The following LCK variants were observed in gnomAD, a reference collection of about 807,000 sequenced individuals.
The protein encoded by LCK is tyrosine-protein kinase Lck.
LCK carries 14 observed loss-of-function variants against 64.6 expected under a neutral mutation model. The ratio of observed to expected loss-of-function variants is 0.22; its 90% confidence interval spans 0.14 to 0.34. The LOEUF is 0.34. Ranked by LOEUF, LCK falls within the 10% of genes least tolerant of loss-of-function variation. The pLI is 1.00. For synonymous variants in LCK, 277 were observed against 263.6 expected (o/e 1.05, Z -0.49); for missense variants, 434 against 668.1 (o/e 0.65, Z 3.86).
chr1:32,279,912 G>A lies in LCK; in HGVS notation c.1113G>A (p.Leu371=). The A allele has an allele frequency of 6.2e-7, 1 of 1,614,214 alleles. No individual in the cohort carries two copies. Among genetic ancestry groups the A allele is most frequent in the Non-Finnish European group, 8.5e-7 (1 of 1,180,040 alleles). The change falls in exon 11 of 13, where the codon CTG becomes CTA. Residue 371 remains leucine, a synonymous_variant. Coordinates refer to ENST00000336890, the MANE Select transcript of LCK (RefSeq NM_005356.5). The part of the protein sequence containing the change: ...IHRDLRAANI[L]VSDTLSCKIA... ...GTGACCTTCGGGCTGCCAACATTCTGGTGTCTGACACCCTGAGCTGCAAGA... is the reference window on the plus strand; with the variant it reads ...GTGACCTTCGGGCTGCCAACATTCTAGTGTCTGACACCCTGAGCTGCAAGA...
In LCK at chr1:32,279,708, C is replaced by T. The variant is rs1207518413; in HGVS notation, c.1002C>T (p.Ile334=). The T allele has an allele frequency of 6.2e-7, 1 of 1,613,576 alleles. No homozygotes were observed. The highest frequency in any genetic ancestry group is 1.7e-5 in the Admixed American group (1 of 60,010). Residue 334 remains isoleucine (I), a synonymous_variant, in exon 10 of 13, where the codon ATC becomes ATT. Coordinates refer to ENST00000336890, the MANE Select transcript of LCK (RefSeq NM_005356.5). ...ATTTTCTCAAGACCCCTTCAGGCAT[C>T]AAGTTGACCATCAACAAACTCCTGG... ...LVDFLKTPSG[I]KLTINKLLDM...
At chr1:32,265,118 G>A (rs1209150286) in intron 1 of LCK, among the ~76,000 whole-genome samples, 2 of 151,948 alleles carry the variant, frequency 1.3e-5, no homozygotes, top group African/African-American at 2.4e-5. Context: ...GAGGCACGGA[G>A]GTTGCAGTGA....
At chr1:32,279,513 C>A in intron 9 of LCK, 158 bp from the exon 10 acceptor site, 1 of 1,444,732 alleles carries the variant, frequency 6.9e-7, no homozygotes, top group Non-Finnish European at 9.4e-7. Context: ...TTTACATATC[C>A]TGGGCATCCT....
chr1:32,273,359 T>A (rs1640164397), intron 1 of LCK, among the ~76,000 whole-genome samples: 1 of 148,984 alleles, frequency 6.7e-6, no homozygotes, highest in South Asian at 2.1e-4. Flanking sequence ...TGTGTGTGTG[T>A]GAGAGTGTGT....
intron 1 of LCK, among the ~76,000 whole-genome samples, chr1:32,258,878 C>A (rs900988384): frequency 2.7e-5 from 4 of 150,798 alleles, no homozygotes; most frequent in African/African-American, 9.8e-5. Flanking sequence ...CAAAAATTAT[C>A]CAGGCGTGGT....
At chr1:32,257,287 C>T (rs1283995481) in intron 1 of LCK, among the ~76,000 whole-genome samples, 7 of 147,170 alleles carry the variant, frequency 4.8e-5, no homozygotes, top group South Asian at 2.1e-4. Flanking sequence ...CTTGCTCTGT[C>T]GCCTAGGCTG....
chr1:32,281,907 A>T (rs564206592), intron 12 of LCK, among the ~76,000 whole-genome samples: 192 of 152,176 alleles, frequency 1.3e-3, no homozygotes, highest in Admixed American at 3.4e-3. Flanking sequence ...TACTAAAAAA[A>T]ATATATATAA....
At chr1:32,254,868 G>T (rs571252847) in intron 1 of LCK, among the ~76,000 whole-genome samples, 1 of 152,240 alleles carries the variant, frequency 6.6e-6, no homozygotes, top group South Asian at 2.1e-4. Context: ...ACTCAAACAG[G>T]CCAGGCACAG....
chr1:32,265,077 C>T (rs1275573016), intron 1 of LCK, among the ~76,000 whole-genome samples: 1 of 151,842 alleles, frequency 6.6e-6, no homozygotes, highest in African/African-American at 2.4e-5. Context: ...CGTGGCGGCA[C>T]GTGCCTGTAA....
Position 32,286,026 on chromosome 1 carries a change from C to T in LCK, c.*310C>T. ...AGCCTGGGATTGACAGAAGCTTCTG[C>T]CCACCTACTTTTCTTTCCTCAGATC... On this transcript the variant is annotated 3_prime_UTR_variant, in exon 13 of 13. Transcript: ENST00000336890. 1 of 429,940 alleles carries T rather than the reference C, an allele frequency of 2.3e-6. No homozygotes were observed. The highest frequency in any genetic ancestry group is 3.6e-5 in the Admixed American group (1 of 28,158). The allele number at this position is 429,940 out of a possible 1,614,324, so 26.6% of individuals were successfully genotyped here.
chr1:32,274,765 G>A lies in LCK; in HGVS notation c.134G>A (p.Arg45Gln), dbSNP rs145088108. The A allele has an allele frequency of 4.4e-3, 7,012 of 1,607,346 alleles. 456 individuals carry two copies. The Admixed American group carries it at 0.11, about 25-fold the overall frequency. ...TLLIRNGSEV[R>Q]DPLVTYEGSN... Reference sequence around the variant, plus strand: ...CTCATCCGAAATGGCTCTGAGGTGCGGGACCCACTGGTTACCTACGAAGGC... The same window carrying A: ...CTCATCCGAAATGGCTCTGAGGTGCAGGACCCACTGGTTACCTACGAAGGC... The change falls in exon 3 of 13, where the codon CGG becomes CAG. Residue 45 changes from arginine to glutamine, a missense_variant. Arg to Gln is a conservative substitution (Grantham distance 43). Transcript: ENST00000336890.
intron 1 of LCK, among the ~76,000 whole-genome samples, chr1:32,270,692 CTTTTTTTTTTTTTT>C (rs34689678): frequency 5.2e-5 from 5 of 96,796 alleles, no homozygotes; most frequent in African/African-American, 2.2e-4. Context: ...CGTGCCCGGA[CTTTTTTTTTTTTTT>C]TTTTTTTTTT....
chr1:32,267,205 G>A (rs759129293), intron 1 of LCK, among the ~76,000 whole-genome samples: 7 of 152,042 alleles, frequency 4.6e-5, no homozygotes, highest in Non-Finnish European at 8.8e-5. Context: ...ACAGATGGGT[G>A]CACTCTGGTC....
chr1:32,276,316 A>C lies in LCK; in HGVS notation c.632-21A>C, dbSNP rs745529895. 6.5e-7 allele frequency: 1 copy of C among 1,538,248 alleles called. No individual in the cohort carries two copies. The highest frequency in any genetic ancestry group is 1.4e-5 in the African/African-American group (1 of 72,624). On this transcript the variant is annotated intron_variant, in intron 7 of 12. Transcript: ENST00000336890. This position sits in a 1 kb window ranked among gnomAD's most constrained non-coding sequence, Gnocchi z 4.6. ...GAGGCCTGCCCTATTGACAGCCTTCACCCCTCCCTCGTCCTCGCAGATGCT... is the reference window on the plus strand; with the variant it reads ...GAGGCCTGCCCTATTGACAGCCTTCCCCCCTCCCTCGTCCTCGCAGATGCT...
chr1:32,280,567 T>C (rs1326279022), intron 12 of LCK, among the ~76,000 whole-genome samples: 3 of 146,406 alleles, frequency 2.0e-5, no homozygotes, highest in African/African-American at 7.5e-5. Flanking sequence ...GTGATTCTCC[T>C]GCCTCAGCCT....
chr1:32,271,594 T>C (rs1157654561), intron 1 of LCK, among the ~76,000 whole-genome samples: 1 of 151,946 alleles, frequency 6.6e-6, no homozygotes, highest in Non-Finnish European at 1.5e-5. Context: ...AGCCCAGGAG[T>C]TTGAGGTTCC....
At chr1:32,279,568 T>C in intron 9 of LCK, 103 bp from the exon 10 acceptor site, 1 of 1,592,048 alleles carries the variant, frequency 6.3e-7, no homozygotes, top group South Asian at 1.1e-5. Flanking sequence ...CAATCTTCCT[T>C]TTCACATGTC....
At chr1:32,252,469 T>G (rs1282114907) in intron 1 of LCK, among the ~76,000 whole-genome samples, 1 of 152,202 alleles carries the variant, frequency 6.6e-6, no homozygotes, top group Non-Finnish European at 1.5e-5. Flanking sequence ...TTGGAGTTTT[T>G]CTTGACACAC....
At chr1:32,273,211 G>A (rs1640158835) in intron 1 of LCK, among the ~76,000 whole-genome samples, 2 of 148,716 alleles carry the variant, frequency 1.3e-5, no homozygotes, top group Non-Finnish European at 3.0e-5. Flanking sequence ...CTGAGTGTGA[G>A]TGTGGGTGCC....
Sources: allele counts gnomAD v4.1 joint callset (sites outside exome capture counted in the v4.1 genomes callset), GRCh38; gene constraint gnomAD v4.1.1; non-coding constraint Gnocchi (gnomAD v3.1); transcripts MANE v1.5; gene names NCBI Gene and HGNC (gene_info 2026-07-23, HGNC 2026-07-21).